The following PTPN3 variants were observed in gnomAD, a reference collection of about 807,000 sequenced individuals.
PTPN3 encodes the protein tyrosine-protein phosphatase non-receptor type 3.
In PTPN3, 96 loss-of-function variants were observed where a neutral mutation model predicts 132.7. That is an observed-to-expected ratio of 0.72 (90% CI 0.61 to 0.86). The LOEUF (loss-of-function observed/expected upper bound fraction) is 0.86. Among genes scored for constraint, PTPN3 ranks in the 40% least tolerant of loss-of-function variants. The probability of loss-of-function intolerance (pLI) is 0.00; values close to 1 mark genes in which losing one functional copy is unlikely to be tolerated. For synonymous variants in PTPN3, 398 were observed against 429.0 expected, an observed-to-expected ratio of 0.93 and a Z score of 0.89; for missense variants, 1,125 against 1,159.6, an observed-to-expected ratio of 0.97 and a Z score of 0.43.
rs538901541 is a variant in PTPN3 at position 109,426,096 on chromosome 9, G to A, written c.1001+854C>T. On this transcript the variant is annotated intron_variant, in intron 12 of 25. Coordinates refer to ENST00000374541, the MANE Select transcript of PTPN3 (RefSeq NM_002829.4). ...CAATTTATGCTACCTCTTATACTTAGAGGGTAGTCTTAGAACAAAGAAAAC... is the reference window on the plus strand; with the variant it reads ...CAATTTATGCTACCTCTTATACTTAAAGGGTAGTCTTAGAACAAAGAAAAC... Among the ~76,000 whole-genome samples the A allele has an allele frequency of 1.6e-3, 245 of 150,318 alleles. 1 individual carries two copies. The highest frequency in any genetic ancestry group is 5.8e-3 in the African/African-American group (237 of 41,112).
At chr9:109,469,916 T>G (rs534533395) in intron 1 of PTPN3, among the ~76,000 whole-genome samples, 2 of 152,284 alleles carry the variant, frequency 1.3e-5, no homozygotes, top group Admixed American at 1.3e-4. Flanking sequence ...TGCTCTTTCT[T>G]GCTTATCACT....
Position 109,428,675 on chromosome 9 carries a change from A to G in PTPN3, c.774T>C (p.Ile258=). The G allele has an allele frequency of 6.2e-7, 1 of 1,613,438 alleles. No homozygotes were observed. The highest frequency in any genetic ancestry group is 8.5e-7 in the Non-Finnish European group (1 of 1,179,794). ...ICTSFYPWVN[I]LKISFKRKKF... ...TTTTCCTTTTGAAAGAAATTTTGAG[A>G]ATGTTCACCCTTCAAAAAATAAAAC... The change falls in exon 11 of 26, where the codon ATT becomes ATC. Residue 258 remains isoleucine (I), a synonymous_variant. Coordinates refer to ENST00000374541, the MANE Select transcript of PTPN3 (RefSeq NM_002829.4).
At chr9:109,451,013 C>A in intron 5 of PTPN3, 1 of 974,872 alleles carries the variant, frequency 1.0e-6, no homozygotes, top group Non-Finnish European at 1.2e-6. Context: ...TAGGTAAAAT[C>A]TTTTAAGTTT....
At chr9:109,440,231 G>A (rs1047728935) in intron 7 of PTPN3, among the ~76,000 whole-genome samples, 104 of 152,234 alleles carry the variant, frequency 6.8e-4, no homozygotes, top group African/African-American at 2.5e-3. Context: ...CTTGGTCAAG[G>A]TTAGACCAGA....
intron 1 of PTPN3, among the ~76,000 whole-genome samples, chr9:109,497,977 A>G (rs1008302575): frequency 7.0e-6 from 1 of 143,508 alleles, no homozygotes; most frequent in Non-Finnish European, 1.5e-5. Context: ...GCCCCGGCCG[A>G]GCCCCACCCG....
intron 1 of PTPN3, among the ~76,000 whole-genome samples, chr9:109,464,399 C>T (rs921089205): frequency 5.3e-5 from 8 of 152,092 alleles, no homozygotes; most frequent in African/African-American, 1.9e-4. Context: ...CCAGGGCCTA[C>T]GTGAGGGTGA....
chr9:109,452,106 A>G (rs965152763), intron 5 of PTPN3, among the ~76,000 whole-genome samples: 2 of 151,982 alleles, frequency 1.3e-5, no homozygotes, highest in Non-Finnish European at 2.9e-5. Flanking sequence ...CACCTCTCCT[A>G]AAGATACAAA....
At position 109,457,241 on chromosome 9, in the gene PTPN3, T is replaced by G. The variant is rs1025117833; in HGVS notation, c.247-26A>C. ...CTGTTGGACAAGAAAACATAAAATA[T>G]AAAAGCAAACCGTGAAGGAGTTCAG... is the stretch of plus-strand genomic sequence containing the variant. On this transcript the variant is annotated intron_variant, in intron 3 of 25. Coordinates refer to ENST00000374541, the MANE Select transcript of PTPN3 (RefSeq NM_002829.4). 3 of 1,613,388 alleles carry G rather than the reference T, an allele frequency of 1.9e-6. No homozygotes were observed. The African/African-American group carries it at 4.0e-5, about 22-fold the overall frequency.
chr9:109,535,729 A>G, the PTPN3 span, among the ~76,000 whole-genome samples: 10 of 150,668 alleles, frequency 6.6e-5, no homozygotes, highest in Non-Finnish European at 1.3e-4. Flanking sequence ...CTGGTCTTGA[A>G]CTCCTGGCCT....
At chr9:109,508,859 C>G in the PTPN3 span, among the ~76,000 whole-genome samples, 2 of 152,028 alleles carry the variant, frequency 1.3e-5, no homozygotes, top group South Asian at 2.1e-4. Flanking sequence ...GATGTCCCCC[C>G]CCCACCCACC....
Position 109,422,764 on chromosome 9 carries a change from C to T in PTPN3, c.1090G>A (p.Glu364Lys). The change falls in exon 13 of 26, where the codon GAA (glutamate) becomes AAA (lysine). Residue 364 changes from glutamate to lysine, a missense_variant. Physicochemically the swap from Glu to Lys is moderately conservative, Grantham distance 56. Coordinates refer to ENST00000374541, the MANE Select transcript of PTPN3 (RefSeq NM_002829.4). ...MRRSLSVEHL[E>K]TKSLPSRSPP... ...GAACGAGAAGGCAGACTCTTGGTTT[C>T]TAAGTGCTCCACTGATAAGGATCTC... 6.2e-7 allele frequency: 1 copy of T among 1,611,582 alleles called. No individual in the cohort carries two copies. The highest frequency in any genetic ancestry group is 8.5e-7 in the Non-Finnish European group (1 of 1,177,968).
intron 2 of PTPN3, among the ~76,000 whole-genome samples, chr9:109,459,902 G>T (rs1050574803): frequency 1.3e-5 from 2 of 151,960 alleles, no homozygotes; most frequent in African/African-American, 2.4e-5. Context: ...CTTAAGCACC[G>T]TTCGCAGCTT....
chr9:109,439,555 A>G (rs572898648), intron 7 of PTPN3, among the ~76,000 whole-genome samples: 2 of 152,226 alleles, frequency 1.3e-5, no homozygotes, highest in Admixed American at 6.5e-5. Context: ...TTTGTGGCCA[A>G]TCTCAGAAGG....
rs76367037 is a variant in PTPN3 at position 109,452,301 on chromosome 9, A to G, written c.368+2195T>C. Among the ~76,000 whole-genome samples, 1,106 of 151,402 alleles carry G rather than the reference A, an allele frequency of 7.3e-3. 11 individuals carry two copies. Among genetic ancestry groups the G allele is most frequent in the African/African-American group, 0.025 (1,012 of 41,174 alleles). On this transcript the variant is annotated intron_variant, in intron 5 of 25. Transcript: ENST00000374541. ...AAAAAAAAAAAAGGAAATAAAACAGAATAGAAAACTTCAGAGTACCTGGTA... is the reference window on the plus strand; with the variant it reads ...AAAAAAAAAAAAGGAAATAAAACAGGATAGAAAACTTCAGAGTACCTGGTA...
intron 4 of PTPN3, among the ~76,000 whole-genome samples, 172 bp from the exon 5 acceptor site, chr9:109,454,746 A>C (rs1013096662): frequency 6.6e-6 from 1 of 152,250 alleles, no homozygotes; most frequent in African/African-American, 2.4e-5. Flanking sequence ...GAAATCTCCA[A>C]GTCTTCAAAA....
In PTPN3 at chr9:109,420,464, T is replaced by C; in HGVS notation, c.1273A>G (p.Ser425Gly). ...TYKGSLAPQD[S>G]DSEVSQNRSP... ...CGGTTCTGAGAAACTTCAGAATCGC[T>C]GTCTTGAGGGGCCAGAGAGCCCTTG... is the stretch of plus-strand genomic sequence containing the variant. Residue 425 changes from serine to glycine, a missense_variant, in exon 14 of 26, where the codon AGC (serine) becomes GGC (glycine). Physicochemically the swap from Ser to Gly is moderately conservative, Grantham distance 56. Transcript: ENST00000374541. 1 of 1,610,228 alleles carries C rather than the reference T, an allele frequency of 6.2e-7. No homozygotes were observed. Among genetic ancestry groups the C allele is most frequent in the Non-Finnish European group, 8.5e-7 (1 of 1,177,204 alleles).
At chr9:109,508,354 G>T in the PTPN3 span, among the ~76,000 whole-genome samples, 1 of 152,098 alleles carries the variant, frequency 6.6e-6, no homozygotes, top group Non-Finnish European at 1.5e-5. Context: ...TAGAGATGGG[G>T]TTTCACCGTG....
intron 13 of PTPN3, among the ~76,000 whole-genome samples, chr9:109,421,835 T>C (rs1345581179): frequency 6.6e-6 from 1 of 152,230 alleles, no homozygotes; most frequent in African/African-American, 2.4e-5. Flanking sequence ...TGTCTCCCAG[T>C]TTCTCTTAGG....
chr9:109,414,749 GC>G (rs1842342438), intron 14 of PTPN3, among the ~76,000 whole-genome samples: 1 of 152,220 alleles, frequency 6.6e-6, no homozygotes, highest in Non-Finnish European at 1.5e-5. Context: ...GAAAGCACTT[GC>G]TAAACCTCGG....
Sources: allele counts gnomAD v4.1 joint callset (sites outside exome capture counted in the v4.1 genomes callset), GRCh38; gene constraint gnomAD v4.1.1; transcripts MANE v1.5; gene names NCBI Gene and HGNC (gene_info 2026-07-23, HGNC 2026-07-21).